CCDC7: variants seen among roughly 807,000 people sequenced by gnomAD.
The protein encoded by CCDC7 is coiled-coil domain-containing protein 7.
In CCDC7, 183 loss-of-function variants were observed where a neutral mutation model predicts 196.9. The observed-to-expected ratio is 0.93, with a 90% CI of 0.82 to 1.05. The LOEUF (loss-of-function observed/expected upper bound fraction) is 1.05. Among genes scored for constraint, CCDC7 ranks in the 50% least tolerant of loss-of-function variants. The pLI is 0.00. For missense variants in CCDC7, 1,540 were observed against 1,482.2 expected (o/e 1.04, Z -0.64); for synonymous variants, 525 against 484.6 (o/e 1.08, Z -1.10).
intron 8 of CCDC7, among the ~76,000 whole-genome samples, chr10:32,484,871 T>A (rs1468897432): frequency 1.3e-5 from 2 of 152,206 alleles, no homozygotes; most frequent in African/African-American, 4.8e-5. Context: ...GTGGATAAGC[T>A]TTTTGATGTG....
chr10:32,576,314 AAAAAG>A (rs1277189433), intron 16 of CCDC7, among the ~76,000 whole-genome samples: 2 of 151,874 alleles, frequency 1.3e-5, no homozygotes, highest in African/African-American at 4.8e-5. Flanking sequence ...AAAAAAAAAA[AAAAAG>A]AAAAGGAGTA....
chr10:32,542,115 C>T (rs1028955728), intron 11 of CCDC7, among the ~76,000 whole-genome samples: 2 of 152,126 alleles, frequency 1.3e-5, no homozygotes, highest in African/African-American at 4.8e-5. Context: ...GCTATCTTGT[C>T]CAAACGTCCT....
chr10:32,579,634 G>C (rs2058558317), intron 16 of CCDC7, among the ~76,000 whole-genome samples: 1 of 152,070 alleles, frequency 6.6e-6, no homozygotes, highest in Admixed American at 6.6e-5. Context: ...ACATAAAAAG[G>C]ATGCAAAGCA....
intron 20 of CCDC7, among the ~76,000 whole-genome samples, chr10:32,658,476 A>G (rs532902533): frequency 6.6e-5 from 10 of 152,124 alleles, no homozygotes; most frequent in Non-Finnish European, 1.3e-4. Context: ...CTCATTTACT[A>G]TCATGAGAAT....
intron 16 of CCDC7, among the ~76,000 whole-genome samples, chr10:32,580,786 G>A (rs967329562): frequency 3.3e-5 from 5 of 151,674 alleles, no homozygotes; most frequent in African/African-American, 1.2e-4. Context: ...ATATGGATTG[G>A]GGGTTGTGTT....
intron 24 of CCDC7, among the ~76,000 whole-genome samples, chr10:32,695,570 G>A (rs2077604587): frequency 6.6e-6 from 1 of 152,138 alleles, no homozygotes; most frequent in African/African-American, 2.4e-5. Flanking sequence ...TTTACTTGTT[G>A]GGGCTAAGAG....
At chr10:32,703,570 A>G (rs2079139100) in intron 24 of CCDC7, among the ~76,000 whole-genome samples, 1 of 151,998 alleles carries the variant, frequency 6.6e-6, no homozygotes, top group Non-Finnish European at 1.5e-5. Flanking sequence ...CTGCCTTGCT[A>G]GATTGGGGAA....
At chr10:32,778,858 G>A in intron 28 of CCDC7, 119 bp from the exon 30 acceptor site, 1 of 674,638 alleles carries the variant, frequency 1.5e-6, no homozygotes, top group East Asian at 2.7e-5. Flanking sequence ...TTCTTTTGCA[G>A]TGTTTTTGCA....
chr10:32,511,256 G>GGGGGC, intron 9 of CCDC7: 7 of 660,768 alleles, frequency 1.1e-5, no homozygotes, highest in South Asian at 1.9e-5. Context: ...TTATTCTGTG[G>GGGGGC]GGGGCGGGGG....
At chr10:32,786,623 T>C (rs2081932741) in intron 29 of CCDC7, among the ~76,000 whole-genome samples, 1 of 152,106 alleles carries the variant, frequency 6.6e-6, no homozygotes, top group African/African-American at 2.4e-5. Flanking sequence ...TAGCCGGGCA[T>C]GGTAATGCAC....
chr10:32,665,254 CA>C (rs2140485832), intron 21 of CCDC7, among the ~76,000 whole-genome samples: 1 of 152,086 alleles, frequency 6.6e-6, no homozygotes, highest in South Asian at 2.1e-4. Flanking sequence ...TTCTCTCATG[CA>C]ATAGGCTATT....
intron 10 of CCDC7, among the ~76,000 whole-genome samples, 166 bp downstream of exon 11, chr10:32,518,141 G>C (rs1174842208): frequency 6.6e-6 from 1 of 151,984 alleles, no homozygotes; most frequent in Non-Finnish European, 1.5e-5. Flanking sequence ...TGTCTATTTT[G>C]TTCATTTTAC....
chr10:32,543,261 T>G (rs1383105607), intron 11 of CCDC7, 39 bp from the exon 13 acceptor site: 1 of 1,347,526 alleles, frequency 7.4e-7, no homozygotes, highest in Admixed American at 3.3e-5. Flanking sequence ...CTTATTGTGT[T>G]TTTAACCCTT....
chr10:32,623,740 C>T lies in CCDC7; in HGVS notation c.1802-10514C>T, dbSNP rs1412304587. On this transcript the variant is annotated intron_variant, in intron 18 of 41. Coordinates refer to ENST00000639629, the Ensembl canonical transcript of CCDC7. Reference sequence around the variant, plus strand: ...GTAGGCAGTACAAGAAACATGGTGCCGGCATCTGCTTCTGGCGAGGGCCTC... The same window carrying T: ...GTAGGCAGTACAAGAAACATGGTGCTGGCATCTGCTTCTGGCGAGGGCCTC... 4.3e-5 allele frequency: 20 copies of T among 469,852 alleles called. 1 individual carries two copies. The highest frequency in any genetic ancestry group is 2.1e-4 in the East Asian group (3 of 14,400). 29.1% of individuals were successfully genotyped at this position (469,852 alleles called of 1,614,324 possible). A position where few individuals can be genotyped will look rare whatever the true frequency, so the allele number is the denominator to read the frequency against.
Position 32,497,896 on chromosome 10 carries a change from A to G in CCDC7, c.872+5899A>G, listed in dbSNP as rs192143717. On this transcript the variant is annotated intron_variant, in intron 9 of 41. Coordinates refer to ENST00000639629, the Ensembl canonical transcript of CCDC7. ...TGATTTGTTGTGGAAAGTTCTGTAG[A>G]TGTCTATTAGTTCTGCTTGGTCTGG... Among the ~76,000 whole-genome samples, 759 of 152,256 alleles carry G rather than the reference A, an allele frequency of 5.0e-3. 2 individuals carry two copies. The highest frequency in any genetic ancestry group is 7.0e-3 in the Non-Finnish European group (477 of 68,022).
chr10:32,511,402 T>G, intron 9 of CCDC7: 1 of 1,610,158 alleles, frequency 6.2e-7, no homozygotes, highest in Non-Finnish European at 8.5e-7. Context: ...ATCTTGAAGC[T>G]GCACCTCTGT....
exon 25 of CCDC7, chr10:32,711,638 G>T (rs761187081): frequency 1.0e-5 from 16 of 1,587,476 alleles, no homozygotes; most frequent in Middle Eastern, 1.7e-4. Context: ...GAAGAATCAG[G>T]TGAAAATCCT....
intron 5 of CCDC7, 48 bp from the exon 7 acceptor site, chr10:32,471,016 G>A: frequency 6.8e-7 from 1 of 1,479,338 alleles, no homozygotes; most frequent in Non-Finnish European, 9.0e-7. Flanking sequence ...TGAGGTATGG[G>A]AACAAAATGG....
chr10:32,551,216 T>C (rs2053423013), intron 13 of CCDC7, among the ~76,000 whole-genome samples: 1 of 152,164 alleles, frequency 6.6e-6, no homozygotes, highest in African/African-American at 2.4e-5. Context: ...TTGAATTATC[T>C]TTTGTATTTC....
Sources: gnomAD v4.1 joint callset for allele counts (sites outside exome capture counted in the v4.1 genomes callset) on GRCh38, gnomAD v4.1.1 for gene constraint, MANE v1.5 for transcripts, NCBI Gene and HGNC (gene_info 2026-07-23, HGNC 2026-07-21) for gene names.